CALCR: variants seen among roughly 807,000 people sequenced by gnomAD.
CALCR encodes calcitonin receptor.
Under a neutral mutation model 59.5 loss-of-function variants are expected in CALCR, and 47 were observed. That is an observed-to-expected ratio of 0.79 (90% confidence interval 0.63 to 1.01). CALCR has a LOEUF of 1.01. Among genes scored for constraint, CALCR ranks in the 50% least tolerant of loss-of-function variants. The pLI, the probability that CALCR is intolerant of heterozygous loss-of-function variation, is 0.00. For missense variants in CALCR, 566 were observed against 597.1 expected (o/e 0.95, Z 0.54); for synonymous variants, 213 against 211.3 (o/e 1.01, Z -0.07).
chr7:93,438,506 C>G (rs774403233), intron 9 of CALCR, among the ~76,000 whole-genome samples: 2 of 152,136 alleles, frequency 1.3e-5, no homozygotes, highest in Non-Finnish European at 2.9e-5. Context: ...TAATTAAAAG[C>G]CTTTTACAAA....
chr7:93,461,972 A>C (rs188337172), intron 7 of CALCR: 4 of 786,358 alleles, frequency 5.1e-6, no homozygotes, highest in South Asian at 4.9e-5. Context: ...ATTCCTAAAA[A>C]TATCTTCATG....
intron 2 of CALCR, among the ~76,000 whole-genome samples, chr7:93,556,823 C>T (rs557340788): frequency 2.3e-4 from 35 of 151,954 alleles, no homozygotes; most frequent in Non-Finnish European, 3.1e-4. Flanking sequence ...AGGCAATATC[C>T]GTCTTTGAAA....
chr7:93,436,770 C>T (rs1799787815), intron 11 of CALCR, among the ~76,000 whole-genome samples: 1 of 152,114 alleles, frequency 6.6e-6, no homozygotes, highest in African/African-American at 2.4e-5. Flanking sequence ...ACATTTAAAC[C>T]TCCAGTTCAC....
At chr7:93,478,964 A>T (rs1800732146) in intron 4 of CALCR, among the ~76,000 whole-genome samples, 1 of 151,816 alleles carries the variant, frequency 6.6e-6, no homozygotes, top group African/African-American at 2.4e-5. Flanking sequence ...AAGGGAAGAT[A>T]CTACCTAATT....
chr7:93,432,356 A>G (rs992558890), intron 13 of CALCR, among the ~76,000 whole-genome samples: 3 of 152,148 alleles, frequency 2.0e-5, no homozygotes, highest in African/African-American at 7.2e-5. Context: ...AACTTCCTGC[A>G]TGTGTGAGTG....
chr7:93,549,186 G>T (rs1789383734), intron 2 of CALCR, among the ~76,000 whole-genome samples: 1 of 152,014 alleles, frequency 6.6e-6, no homozygotes, highest in Admixed American at 6.6e-5. Flanking sequence ...ACAGTGGAGG[G>T]GTTGGATAAT....
At chr7:93,430,075 G>C (rs1444656320) in intron 13 of CALCR, among the ~76,000 whole-genome samples, 5 of 146,474 alleles carry the variant, frequency 3.4e-5, no homozygotes, top group Non-Finnish European at 7.5e-5. Flanking sequence ...GGAACTACAA[G>C]GGCCTGCCAC....
At chr7:93,520,363 A>C (rs1801736287) in intron 2 of CALCR, among the ~76,000 whole-genome samples, 1 of 152,118 alleles carries the variant, frequency 6.6e-6, no homozygotes, top group Non-Finnish European at 1.5e-5. Flanking sequence ...TGTGTAAACA[A>C]CATGTGTGGC....
intron 2 of CALCR, among the ~76,000 whole-genome samples, chr7:93,490,896 G>T (rs985532542): frequency 2.6e-5 from 4 of 151,858 alleles, no homozygotes; most frequent in African/African-American, 9.6e-5. Context: ...CAGAGAATTA[G>T]AAAAAACTAC....
chr7:93,532,704 T>C (rs1223432922), intron 2 of CALCR, among the ~76,000 whole-genome samples: 2 of 151,708 alleles, frequency 1.3e-5, no homozygotes, highest in Non-Finnish European at 2.9e-5. Flanking sequence ...AGTGGACAGA[T>C]TGTGGCCTAT....
chr7:93,529,393 T>A (rs1031992394), intron 2 of CALCR, among the ~76,000 whole-genome samples: 2 of 152,310 alleles, frequency 1.3e-5, no homozygotes, highest in East Asian at 1.9e-4. Context: ...GGAGCCACCA[T>A]GCTTCTTGTG....
At chr7:93,471,725 G>T (rs1004946789) in intron 6 of CALCR, among the ~76,000 whole-genome samples, 7 of 151,714 alleles carry the variant, frequency 4.6e-5, no homozygotes, top group African/African-American at 1.4e-4. Flanking sequence ...GAATTTTTCA[G>T]ATTTTTGATA....
intron 2 of CALCR, among the ~76,000 whole-genome samples, chr7:93,547,488 G>T (rs1789320999): frequency 6.6e-6 from 1 of 152,052 alleles, no homozygotes; most frequent in Admixed American, 6.6e-5. Context: ...TTTGTAGGTG[G>T]CTTTGTCCAT....
In CALCR at chr7:93,424,888, A is replaced by G. The variant is rs773366692; in HGVS notation, c.*1468T>C. The G allele has an allele frequency of 1.3e-5, 2 of 152,556 alleles. No homozygotes were observed. The highest frequency in any genetic ancestry group is 4.8e-5 in the African/African-American group (2 of 41,420). 9.5% of individuals were successfully genotyped at this position (152,556 alleles called of 1,614,324 possible). A position where few individuals can be genotyped will look rare whatever the true frequency, so the allele number is the denominator to read the frequency against. ...CATTTTCTCTGTAGAAATATAATTA[A>G]TTTTCTCTGGGTGCGCTAAATATGT... On this transcript the variant is annotated 3_prime_UTR_variant, in exon 14 of 14. Transcript: ENST00000426151.
At chr7:93,554,412 T>A (rs558046947) in intron 2 of CALCR, among the ~76,000 whole-genome samples, 1 of 152,220 alleles carries the variant, frequency 6.6e-6, no homozygotes, top group Admixed American at 6.6e-5. Context: ...CAAATTTTCC[T>A]TAAAGAAAGG....
chr7:93,528,481 A>G (rs773146302), intron 2 of CALCR, among the ~76,000 whole-genome samples: 1 of 151,972 alleles, frequency 6.6e-6, no homozygotes, highest in Non-Finnish European at 1.5e-5. Flanking sequence ...CCTGTGTCCA[A>G]GTGTTCTCAT....
At chr7:93,544,615 T>C (rs1484213616) in intron 2 of CALCR, among the ~76,000 whole-genome samples, 1 of 152,194 alleles carries the variant, frequency 6.6e-6, no homozygotes, top group Non-Finnish European at 1.5e-5. Context: ...AGTTTTTCAC[T>C]GTGTGGTATT....
At chr7:93,531,708 A>G (rs550201869) in intron 2 of CALCR, among the ~76,000 whole-genome samples, 1 of 152,092 alleles carries the variant, frequency 6.6e-6, no homozygotes, top group African/African-American at 2.4e-5. Flanking sequence ...CATGTCAACA[A>G]TGCCAACTGT....
At chr7:93,442,304 AG>A (rs933263718) in intron 9 of CALCR, among the ~76,000 whole-genome samples, 2 of 152,152 alleles carry the variant, frequency 1.3e-5, no homozygotes, top group Non-Finnish European at 2.9e-5. Context: ...AAATAATTGT[AG>A]CATCATCAAT....
Sources: allele counts gnomAD v4.1 joint callset (sites outside exome capture counted in the v4.1 genomes callset), GRCh38; gene constraint gnomAD v4.1.1; transcripts MANE v1.5; gene names NCBI Gene and HGNC (gene_info 2026-07-23, HGNC 2026-07-21).